The following WDFY3 variants were observed in gnomAD, a reference collection of about 807,000 sequenced individuals.
WDFY3 encodes WD repeat and FYVE domain-containing protein 3.
A neutral mutation model predicts 409.6 loss-of-function variants in WDFY3; 66 were observed. The observed-to-expected ratio is 0.16, with a 90% CI of 0.13 to 0.20. The LOEUF (loss-of-function observed/expected upper bound fraction) is 0.20. Among genes scored for constraint, WDFY3 ranks in the 10% least tolerant of loss-of-function variants. The pLI, the probability that WDFY3 is intolerant of heterozygous loss-of-function variation, is 1.00. For missense variants in WDFY3, 3,031 were observed against 4,298.1 expected (o/e 0.71, Z 8.24); for synonymous variants, 1,521 against 1,537.1 (o/e 0.99, Z 0.25).
At chr4:84,866,802 T>C (rs1165871599) in intron 3 of WDFY3, among the ~76,000 whole-genome samples, 1 of 152,212 alleles carries the variant, frequency 6.6e-6, no homozygotes, top group Non-Finnish European at 1.5e-5. Flanking sequence ...GCGTGTGCAT[T>C]TTGTCCAGTT....
chr4:84,715,462 A>C (rs1466680663), intron 49 of WDFY3, 79 bp from the exon 50 acceptor site: 4 of 870,440 alleles, frequency 4.6e-6, no homozygotes. Context: ...TTCCACTATA[A>C]ATTTCTACAA....
At chr4:84,868,046 G>A (rs1350905111) in intron 3 of WDFY3, among the ~76,000 whole-genome samples, 1 of 151,692 alleles carries the variant, frequency 6.6e-6, no homozygotes, top group East Asian at 1.9e-4. Context: ...TCATGCGCCT[G>A]TAGTCCCAGC....
intron 2 of WDFY3, among the ~76,000 whole-genome samples, chr4:84,904,264 G>C (rs1324134863): frequency 1.3e-5 from 2 of 152,052 alleles, no homozygotes; most frequent in African/African-American, 4.8e-5. Context: ...ATTTGAGACG[G>C]AGTTTCGCTC....
Position 84,940,718 on chromosome 4 carries a change from G to T in WDFY3, c.-225-8355C>A, listed in dbSNP as rs1428893240. Among the ~76,000 whole-genome samples, 3 of 151,568 alleles carry T rather than the reference G, an allele frequency of 2.0e-5. No individual in the cohort carries two copies. The East Asian group carries it at 5.8e-4, about 29-fold the overall frequency. ...TATCAAAACCAGACAAAGAGATTAA[G>T]AGAAAAAAAGACTAGAAATTTCATA... On this transcript the variant is annotated intron_variant, in intron 1 of 67. Transcript: ENST00000295888.
chr4:84,702,818 C>T (rs188053586), intron 55 of WDFY3, among the ~76,000 whole-genome samples: 2 of 152,102 alleles, frequency 1.3e-5, no homozygotes, highest in African/African-American at 2.4e-5. Context: ...GAGTTCTGGC[C>T]GGGCGCGGCG....
In WDFY3 at chr4:84,766,031, T is replaced by C. The variant is rs1180882481; in HGVS notation, c.4971-4A>G. The C allele has an allele frequency of 1.9e-6, 3 of 1,609,994 alleles. No homozygotes were observed. Among genetic ancestry groups the C allele is most frequent in the African/African-American group, 2.7e-5 (2 of 74,860 alleles). On this transcript the variant is annotated splice_region_variant and splice_polypyrimidine_tract_variant and intron_variant, in intron 31 of 67. Transcript: ENST00000295888. ...CTTCACCAGTTCTTCACAAGCTCTA[T>C]TCAAGACAGATGGATTTAAAAAACA...
At chr4:84,738,865 T>C (rs886753852) in intron 40 of WDFY3, 145 bp downstream of exon 40, 1 of 663,240 alleles carries the variant, frequency 1.5e-6, no homozygotes. Flanking sequence ...GTTATTGGCA[T>C]GAGGAGACTC....
rs1012778162 is a variant in WDFY3 at position 84,766,139 on chromosome 4, A to C, written c.4971-112T>G. 2.0e-6 allele frequency: 3 copies of C among 1,486,804 alleles called. No homozygotes were observed. The Admixed American group carries it at 6.6e-5, about 33-fold the overall frequency. The allele number at this position is 1,486,804 out of a possible 1,614,324, so 92.1% of individuals were successfully genotyped here. On this transcript the variant is annotated intron_variant, in intron 31 of 67. Coordinates refer to ENST00000295888, the MANE Select transcript of WDFY3 (RefSeq NM_014991.6). ...GAGTTTCATTCTGGAGATACTATAAATTTCAGGGTTAAAAAAATCTATTTA... is the reference window on the plus strand; with the variant it reads ...GAGTTTCATTCTGGAGATACTATAACTTTCAGGGTTAAAAAAATCTATTTA...
chr4:84,846,695 T>C (rs888541152), intron 5 of WDFY3, among the ~76,000 whole-genome samples: 2 of 151,138 alleles, frequency 1.3e-5, no homozygotes, highest in African/African-American at 4.9e-5. Flanking sequence ...ATACATCCAT[T>C]AAAATGCTTG....
intron 3 of WDFY3, among the ~76,000 whole-genome samples, chr4:84,884,709 G>A (rs1313222744): frequency 6.6e-6 from 1 of 152,002 alleles, no homozygotes; most frequent in Non-Finnish European, 1.5e-5. Context: ...ACCAAACCAT[G>A]GTAATAAAAT....
At chr4:84,915,032 G>A (rs1340814211) in intron 2 of WDFY3, among the ~76,000 whole-genome samples, 2 of 152,152 alleles carry the variant, frequency 1.3e-5, no homozygotes, top group Non-Finnish European at 2.9e-5. Context: ...CAACATACAT[G>A]AACCTTGAAA....
chr4:84,867,556 A>G (rs905011515), intron 3 of WDFY3, among the ~76,000 whole-genome samples: 5 of 152,236 alleles, frequency 3.3e-5, no homozygotes, highest in Admixed American at 3.3e-4. Flanking sequence ...TGAGATAATT[A>G]CTGCAAACCC....
intron 9 of WDFY3, among the ~76,000 whole-genome samples, chr4:84,827,973 A>G (rs1755096736): frequency 6.6e-6 from 1 of 151,710 alleles, no homozygotes; most frequent in Admixed American, 6.6e-5. Context: ...AGCTGGGTGT[A>G]GCTACTTAGG....
At chr4:84,928,219 T>C (rs1239197552) in intron 2 of WDFY3, among the ~76,000 whole-genome samples, 1 of 152,148 alleles carries the variant, frequency 6.6e-6, no homozygotes, top group Non-Finnish European at 1.5e-5. Context: ...TCTCTAGCCT[T>C]TGGATTCTGG....
intron 4 of WDFY3, among the ~76,000 whole-genome samples, chr4:84,853,949 AAT>A (rs1265011565): frequency 6.6e-6 from 1 of 152,226 alleles, no homozygotes; most frequent in East Asian, 1.9e-4. Context: ...AAATAAAACA[AAT>A]ATGATTCCTG....
At chr4:84,887,676 T>G in intron 3 of WDFY3, among the ~76,000 whole-genome samples, 1 of 152,230 alleles carries the variant, frequency 6.6e-6, no homozygotes, top group African/African-American at 2.4e-5. Context: ...ATTTAAAATA[T>G]GGAAGCTCAG....
chr4:84,720,706 G>T (rs1734715880), intron 47 of WDFY3, among the ~76,000 whole-genome samples: 2 of 152,212 alleles, frequency 1.3e-5, no homozygotes, highest in Non-Finnish European at 2.9e-5. Context: ...CTGGTGCCAT[G>T]CTTGTACAGC....
At chr4:84,712,702 G>A (rs187590102) in intron 51 of WDFY3, among the ~76,000 whole-genome samples, 8 of 152,110 alleles carry the variant, frequency 5.3e-5, no homozygotes, top group Admixed American at 2.6e-4. Flanking sequence ...GTGACAGAGC[G>A]AGACTCCATC....
At chr4:84,766,396 A>G in intron 30 of WDFY3, 24 bp from the exon 31 acceptor site, 1 of 1,571,226 alleles carries the variant, frequency 6.4e-7, no homozygotes, top group East Asian at 2.3e-5. Flanking sequence ...AAATACATTA[A>G]ATCTCCCTAG....
Sources: gnomAD v4.1 joint callset for allele counts (sites outside exome capture counted in the v4.1 genomes callset) on GRCh38, gnomAD v4.1.1 for gene constraint, MANE v1.5 for transcripts, NCBI Gene and HGNC (gene_info 2026-07-23, HGNC 2026-07-21) for gene names.